ZNF185: variants seen among roughly 807,000 people sequenced by gnomAD.
The protein encoded by ZNF185 is zinc finger protein 185.
ZNF185 carries 56 observed loss-of-function variants against 58.6 expected under a neutral mutation model. The ratio of observed to expected loss-of-function variants is 0.95; its 90% CI spans 0.77 to 1.19. The LOEUF (loss-of-function observed/expected upper bound fraction) is 1.19. Among genes scored for constraint, ZNF185 ranks in the 50% most tolerant of loss-of-function variants. The pLI is 0.00. For synonymous variants in ZNF185, 230 were observed against 215.9 expected, an observed-to-expected ratio of 1.07 and a Z score of -0.57; for missense variants, 627 against 573.5, an observed-to-expected ratio of 1.09 and a Z score of -0.95.
At position 152,928,596 on chromosome X, in the gene ZNF185, C is replaced by T. The variant is rs782422754; in HGVS notation, c.852C>T (p.Val284=). 5.8e-6 allele frequency: 7 copies of T among 1,210,774 alleles called. No individual in the cohort carries two copies. The African/African-American group carries it at 6.9e-5, about 12-fold the overall frequency. The change falls in exon 12 of 23, where the codon GTC becomes GTT. Residue 284 remains valine, a synonymous_variant. Coordinates refer to ENST00000449285, the Ensembl canonical transcript of ZNF185. ...GCAGCTCAAGAGGTGAGGAAATTGT[C>T]CGCCTGCAGATCCTGACACCCAGGG...
chrX:152,914,645 G>A, intron 1 of ZNF185, 65 bp from the exon 3 acceptor site: 1 of 1,178,628 alleles, frequency 8.5e-7, no homozygotes. Context: ...GGGAGAACTG[G>A]AAAGGAGGTC....
rs781895229 is a variant in ZNF185, at chrX:152,963,899, TCA to T, written c.1671_1672del (p.Ile558LeufsTer8). The T allele has an allele frequency of 1.7e-6, 2 of 1,211,676 alleles. No homozygotes were observed. Among genetic ancestry groups the T allele is most frequent in the Non-Finnish European group, 2.2e-6 (2 of 895,392 alleles). On this transcript the variant is annotated frameshift_variant, in exon 18 of 23. Transcript: ENST00000449285. LOFTEE classifies it high-confidence loss of function. Reference sequence around the variant, plus strand: ...CTGTCACTGCCACATCTGAGCAGCCTCACATTTATATTCCAGCCCCCGCAAGT... The same window carrying T: ...CTGTCACTGCCACATCTGAGCAGCCTCATTTATATTCCAGCCCCCGCAAGT...
intron 15 of ZNF185, chrX:152,941,950 C>A: frequency 1.0e-6 from 1 of 958,262 alleles, no homozygotes; most frequent in South Asian, 2.6e-5. Context: ...GAGCTTGTTT[C>A]GCAGGGAGCC....
intron 16 of ZNF185, among the ~76,000 whole-genome samples, chrX:152,949,739 G>A (rs782164801): frequency 7.2e-5 from 8 of 111,858 alleles, no homozygotes; most frequent in Non-Finnish European, 1.9e-5. Flanking sequence ...TGTAGGCAAC[G>A]ATAGTAGCAG....
At chrX:152,939,328 T>A (rs1372054655) in intron 15 of ZNF185, among the ~76,000 whole-genome samples, 2 of 111,817 alleles carry the variant, frequency 1.8e-5, no homozygotes, top group Non-Finnish European at 3.8e-5. Flanking sequence ...CTGACACCAA[T>A]ACTGTGCTGT....
At chrX:152,964,884 G>C (rs1556913302) in intron 18 of ZNF185, among the ~76,000 whole-genome samples, 1 of 111,637 alleles carries the variant, frequency 9.0e-6, no homozygotes, top group Non-Finnish European at 1.9e-5. Flanking sequence ...GCATGATGCA[G>C]ACCTTGTTTC....
intron 14 of ZNF185, among the ~76,000 whole-genome samples, chrX:152,934,366 C>T (rs1179872878): frequency 1.8e-5 from 2 of 112,282 alleles, no homozygotes; most frequent in Admixed American, 9.4e-5. Context: ...CATGTCACCC[C>T]GCCTGCTTAT....
intron 9 of ZNF185, among the ~76,000 whole-genome samples, chrX:152,921,532 C>CGGGG (rs1939722302): frequency 2.1e-4 from 1 of 4,840 alleles, no homozygotes. Context: ...GAACGGGGGG[C>CGGGG]GGTGGGGGGG....
At chrX:152,968,346 A>C (rs1036192755) in intron 20 of ZNF185, among the ~76,000 whole-genome samples, 1 of 112,590 alleles carries the variant, frequency 8.9e-6, no homozygotes, top group African/African-American at 3.2e-5. Flanking sequence ...CCCCCTTTCC[A>C]TTGCACAACT....
At chrX:152,914,783 G>C in exon 2 of ZNF185, 1 of 1,189,823 alleles carries the variant, frequency 8.4e-7, no homozygotes, top group Non-Finnish European at 1.1e-6. Context: ...CCACGCTGAA[G>C]GGGGACAAGA....
At chrX:152,916,184 CCT>C (rs1319598686) in intron 3 of ZNF185, among the ~76,000 whole-genome samples, 1 of 111,837 alleles carries the variant, frequency 8.9e-6, no homozygotes, top group African/African-American at 3.3e-5. Flanking sequence ...GAGGCTGTCC[CCT>C]GTTAGAGATG....
chrX:152,964,188 C>A (rs2049868496), intron 18 of ZNF185, among the ~76,000 whole-genome samples: 1 of 112,964 alleles, frequency 8.9e-6, no homozygotes, highest in African/African-American at 3.2e-5. Flanking sequence ...TGCAGTGGTA[C>A]TTCCTAGTGC....
chrX:152,929,845 C>T (rs900894123), intron 12 of ZNF185, among the ~76,000 whole-genome samples: 6 of 112,330 alleles, frequency 5.3e-5, no homozygotes, highest in Non-Finnish European at 1.1e-4. Flanking sequence ...AGTACCTGGC[C>T]CCACCTGCAG....
exon 20 of ZNF185, chrX:152,967,233 T>C (rs782203553): frequency 2.5e-6 from 3 of 1,209,675 alleles, no homozygotes; most frequent in South Asian, 3.5e-5. Flanking sequence ...CTCCATACTC[T>C]GAGAGGTATG....
chrX:152,918,352 G>A (rs1938950223), intron 6 of ZNF185, among the ~76,000 whole-genome samples, 198 bp downstream of exon 7: 1 of 113,169 alleles, frequency 8.8e-6, no homozygotes, highest in African/African-American at 3.2e-5. Flanking sequence ...GGATGGCTGT[G>A]CACATTGCAC....
chrX:152,951,128 C>T (rs1236276200), intron 16 of ZNF185, among the ~76,000 whole-genome samples: 1 of 100,340 alleles, frequency 1.0e-5, no homozygotes, highest in African/African-American at 3.6e-5. Flanking sequence ...CTCTGTTGCC[C>T]AGGCTGGAGT....
chrX:152,919,217 C>A, intron 7 of ZNF185, 136 bp downstream of exon 8: 1 of 503,938 alleles, frequency 2.0e-6, no homozygotes, highest in Non-Finnish European at 3.5e-6. Context: ...GCCCACGGAG[C>A]ATGAGAATAG....
chrX:152,938,894 GGCGA>G (rs2046758385), intron 15 of ZNF185, among the ~76,000 whole-genome samples: 1 of 84,344 alleles, frequency 1.2e-5, no homozygotes, highest in African/African-American at 5.8e-5. Flanking sequence ...AGGCAACTCA[GGCGA>G]TCTCCTCTAA....
chrX:152,952,951 A>G (rs2048444276), intron 16 of ZNF185, among the ~76,000 whole-genome samples: 1 of 108,583 alleles, frequency 9.2e-6, no homozygotes, highest in African/African-American at 3.4e-5. Context: ...CACCCAGTAG[A>G]TTGAGAGTTA....
Sources: gnomAD v4.1 joint callset for allele counts (sites outside exome capture counted in the v4.1 genomes callset) on GRCh38, gnomAD v4.1.1 for gene constraint, MANE v1.5 for transcripts, NCBI Gene and HGNC (gene_info 2026-07-23, HGNC 2026-07-21) for gene names.